The following RELN variants were observed in gnomAD, a reference collection of about 807,000 sequenced individuals.
RELN encodes the protein reelin.
Under a neutral mutation model 427.6 loss-of-function variants are expected in RELN, and 108 were observed. The ratio of observed to expected loss-of-function variants is 0.25; its 90% CI spans 0.22 to 0.30. RELN has a LOEUF of 0.30. Among genes scored for constraint, RELN ranks in the 10% least tolerant of loss-of-function variants. The probability of loss-of-function intolerance (pLI) is 1.00; values close to 1 mark genes in which losing one functional copy is unlikely to be tolerated. For synonymous variants in RELN, 1,524 were observed against 1,513.4 expected (o/e 1.01, Z -0.16); for missense variants, 3,715 against 4,302.8 (o/e 0.86, Z 3.82).
At chr7:103,690,243 C>G (rs76772445) in intron 10 of RELN, among the ~76,000 whole-genome samples, 2 of 151,920 alleles carry the variant, frequency 1.3e-5, no homozygotes, top group Admixed American at 6.6e-5. Flanking sequence ...CAAGGTGATA[C>G]GTTGAATCTT....
chr7:103,558,637 G>GA (rs1480314392), intron 36 of RELN, among the ~76,000 whole-genome samples: 1 of 152,184 alleles, frequency 6.6e-6, no homozygotes, highest in Non-Finnish European at 1.5e-5. Context: ...AATGAACAAG[G>GA]AAAGAGATCA....
At chr7:103,509,988 A>G (rs549147955) in intron 51 of RELN, among the ~76,000 whole-genome samples, 1 of 152,282 alleles carries the variant, frequency 6.6e-6, no homozygotes, top group African/African-American at 2.4e-5. Flanking sequence ...GTCAGGAAAC[A>G]ACAGATGCTA....
chr7:103,963,558 G>T (rs1171374260), intron 1 of RELN, among the ~76,000 whole-genome samples: 1 of 152,096 alleles, frequency 6.6e-6, no homozygotes. Flanking sequence ...ATAGCACTGG[G>T]TTGGGTGACA....
intron 45 of RELN, among the ~76,000 whole-genome samples, chr7:103,537,749 G>A (rs1830086159): frequency 6.6e-6 from 1 of 152,178 alleles, no homozygotes; most frequent in Non-Finnish European, 1.5e-5. Flanking sequence ...GACCTGTTGA[G>A]GCTGGTCTGC....
intron 40 of RELN, among the ~76,000 whole-genome samples, chr7:103,552,663 C>T (rs1030767244): frequency 5.9e-5 from 9 of 151,814 alleles, no homozygotes; most frequent in East Asian, 3.9e-4. Flanking sequence ...CCACCATGCC[C>T]GGCTAATTTT....
chr7:103,935,761 G>A (rs769196776), intron 1 of RELN, among the ~76,000 whole-genome samples: 1 of 152,202 alleles, frequency 6.6e-6, no homozygotes, highest in South Asian at 2.1e-4. Flanking sequence ...AGTACCTACT[G>A]TGTGTCAGGA....
chr7:103,565,626 C>T, intron 33 of RELN, 75 bp from the exon 34 acceptor site: 2 of 1,442,778 alleles, frequency 1.4e-6, no homozygotes. Flanking sequence ...TTATAATAAA[C>T]ATCTTCAATA....
At chr7:103,670,049 T>A (rs1237290523) in intron 11 of RELN, among the ~76,000 whole-genome samples, 2 of 152,156 alleles carry the variant, frequency 1.3e-5, no homozygotes, top group Non-Finnish European at 2.9e-5. Context: ...TTTCTGTTTT[T>A]TCTGCCATTA....
intron 28 of RELN, among the ~76,000 whole-genome samples, chr7:103,582,310 T>C (rs376771319): frequency 6.6e-6 from 1 of 152,236 alleles, no homozygotes; most frequent in Non-Finnish European, 1.5e-5. Context: ...TTCTCTGTCA[T>C]AGTAGCTGGG....
At chr7:103,979,591 T>A (rs1796949188) in intron 1 of RELN, among the ~76,000 whole-genome samples, 1 of 152,236 alleles carries the variant, frequency 6.6e-6, no homozygotes. Flanking sequence ...TGGGTTTATA[T>A]CACTGTAAGA....
intron 20 of RELN, among the ~76,000 whole-genome samples, chr7:103,625,432 T>C (rs193298181): frequency 2.0e-5 from 3 of 152,378 alleles, no homozygotes; most frequent in East Asian, 3.9e-4. Context: ...TTTCAGAGAA[T>C]GCTCTTTTGT....
At chr7:103,566,070 C>T (rs528048885) in intron 33 of RELN, among the ~76,000 whole-genome samples, 154 bp downstream of exon 33, 2 of 152,220 alleles carry the variant, frequency 1.3e-5, no homozygotes, top group African/African-American at 4.8e-5. Context: ...ACCAAGTTGT[C>T]TTAGCACAAT....
intron 2 of RELN, among the ~76,000 whole-genome samples, chr7:103,911,965 T>G (rs1484461329): frequency 6.6e-6 from 1 of 151,310 alleles, no homozygotes; most frequent in Non-Finnish European, 1.5e-5. Context: ...GTAACTAACC[T>G]GCACAATGTG....
chr7:103,829,502 T>C (rs1366200421), intron 3 of RELN, among the ~76,000 whole-genome samples: 2 of 152,010 alleles, frequency 1.3e-5, no homozygotes, highest in African/African-American at 4.8e-5. Flanking sequence ...AGGATCTGAA[T>C]ACCCAGCAAA....
intron 4 of RELN, among the ~76,000 whole-genome samples, chr7:103,769,491 T>C (rs1302879464): frequency 6.6e-6 from 1 of 152,174 alleles, no homozygotes; most frequent in East Asian, 1.9e-4. Context: ...TTCGGAACTG[T>C]GAGAAAATAA....
chr7:103,521,884 G>T, intron 48 of RELN, 138 bp downstream of exon 48: 1 of 786,328 alleles, frequency 1.3e-6, no homozygotes. Flanking sequence ...GTATAAAGTT[G>T]CAAGTTCAGA....
intron 3 of RELN, among the ~76,000 whole-genome samples, chr7:103,805,934 T>A (rs980716650): frequency 1.5e-4 from 23 of 151,660 alleles, no homozygotes; most frequent in Admixed American, 5.9e-4. Flanking sequence ...GTCCATAGAA[T>A]TTTTTTTTCA....
rs548814385 is a variant in RELN, at chr7:103,900,394, G to T, written c.337+16681C>A. Among the ~76,000 whole-genome samples, 3 of 152,176 alleles carry T rather than the reference G, an allele frequency of 2.0e-5. No homozygotes were observed. In the East Asian group the frequency reaches 5.8e-4, roughly 29 times the overall value. On this transcript the variant is annotated intron_variant, in intron 2 of 64. Transcript: ENST00000428762. ...GCCCAAAGTAATTTATAGATTCAAT[G>T]CCATCACCAACAAGCTACCACTGAC...
intron 11 of RELN, among the ~76,000 whole-genome samples, chr7:103,662,645 A>AAG (rs1562945671): frequency 6.7e-6 from 1 of 150,186 alleles, no homozygotes; most frequent in Non-Finnish European, 1.5e-5. Context: ...AAAAAAAAAA[A>AAG]GAAACGGGTG....
Sources: gnomAD v4.1 joint callset for allele counts (sites outside exome capture counted in the v4.1 genomes callset) on GRCh38, gnomAD v4.1.1 for gene constraint, MANE v1.5 for transcripts, NCBI Gene and HGNC (gene_info 2026-07-23, HGNC 2026-07-21) for gene names.